MALRD1: variants seen among roughly 807,000 people sequenced by gnomAD.
The protein encoded by MALRD1 is MAM and LDL receptor class A domain containing 1, also known as MAM and LDL-receptor class A domain-containing protein 1.
MALRD1 carries 247 observed loss-of-function variants against 242.1 expected under a neutral mutation model. That is an observed-to-expected ratio of 1.02 (90% CI 0.92 to 1.13). The LOEUF (loss-of-function observed/expected upper bound fraction) is 1.13. Ranked by LOEUF, MALRD1 falls within the 50% of genes most tolerant of loss-of-function variation. The probability of loss-of-function intolerance (pLI) is 0.00; values close to 1 mark genes in which losing one functional copy is unlikely to be tolerated. For missense variants in MALRD1, 2,989 were observed against 2,533.1 expected (o/e 1.18, Z -3.86); for synonymous variants, 995 against 866.6 (o/e 1.15, Z -2.60).
intron 35 of MALRD1, among the ~76,000 whole-genome samples, chr10:19,614,380 T>G: frequency 6.6e-6 from 1 of 151,952 alleles, no homozygotes; most frequent in East Asian, 1.9e-4. Context: ...ATAAATTTGT[T>G]CGATTAAAAT....
chr10:19,065,242 G>A lies in MALRD1; in HGVS notation c.200-1477G>A, dbSNP rs1187803130. Among the ~76,000 whole-genome samples the A allele has an allele frequency of 1.2e-4, 16 of 131,234 alleles. No homozygotes were observed. In the East Asian group the frequency reaches 3.4e-3, roughly 28 times the overall value. The allele number at this position is 131,234 out of a possible 152,430, so 86.1% of individuals were successfully genotyped here. On this transcript the variant is annotated intron_variant, in intron 1 of 39. Transcript: ENST00000454679. Reference sequence around the variant, plus strand: ...GCAGAGGTTGTGGTGAGCCAAGATCGTGCCATTGGACTCCAGCCTGGGCAA... The same window carrying A: ...GCAGAGGTTGTGGTGAGCCAAGATCATGCCATTGGACTCCAGCCTGGGCAA...
At chr10:19,198,516 G>A (rs1391966494) in intron 14 of MALRD1, among the ~76,000 whole-genome samples, 1 of 152,166 alleles carries the variant, frequency 6.6e-6, no homozygotes, top group Non-Finnish European at 1.5e-5. Context: ...CTTGCCTTCT[G>A]TTGTAGAGGG....
At chr10:19,471,934 C>T (rs1836520455) in intron 29 of MALRD1, among the ~76,000 whole-genome samples, 1 of 151,816 alleles carries the variant, frequency 6.6e-6, no homozygotes, top group Non-Finnish European at 1.5e-5. Context: ...TATCTATTTT[C>T]CCTGGCAAGG....
rs140189147 is a variant in MALRD1, at chr10:19,069,671, A to G, written c.340+2812A>G. On this transcript the variant is annotated intron_variant, in intron 2 of 39. Transcript: ENST00000454679. ...TTTCCTACTGGATATATATTTTTTC[A>G]TGGTCTTTTTTTTTCTTTTAGTGCT... Among the ~76,000 whole-genome samples, 712 of 149,314 alleles carry G rather than the reference A, an allele frequency of 4.8e-3. 5 individuals are homozygous for G. The highest frequency in any genetic ancestry group is 7.9e-3 in the Admixed American group (119 of 15,006).
chr10:19,624,352 G>C (rs989889213), intron 36 of MALRD1, among the ~76,000 whole-genome samples: 1 of 152,094 alleles, frequency 6.6e-6, no homozygotes, highest in African/African-American at 2.4e-5. Context: ...CTTGGGCCAG[G>C]TATAGAAAAG....
intron 1 of MALRD1, among the ~76,000 whole-genome samples, chr10:19,050,927 T>C (rs1834474376): frequency 6.6e-6 from 1 of 152,220 alleles, no homozygotes; most frequent in Admixed American, 6.5e-5. Flanking sequence ...AGGAAAGGTC[T>C]TGGCTGCATG....
At chr10:19,273,264 C>G (rs1319194533) in intron 19 of MALRD1, among the ~76,000 whole-genome samples, 2 of 152,100 alleles carry the variant, frequency 1.3e-5, no homozygotes, top group Non-Finnish European at 2.9e-5. Flanking sequence ...GGATGTGGAG[C>G]AACAGGAATT....
At chr10:19,654,290 G>C (rs958469738) in intron 36 of MALRD1, among the ~76,000 whole-genome samples, 1 of 147,462 alleles carries the variant, frequency 6.8e-6, no homozygotes, top group South Asian at 2.1e-4. Context: ...TCAAAAAAGT[G>C]GGGTTTTTTT....
intron 18 of MALRD1, among the ~76,000 whole-genome samples, chr10:19,235,203 G>A (rs1838258151): frequency 1.3e-5 from 2 of 152,092 alleles, no homozygotes; most frequent in Non-Finnish European, 2.9e-5. Flanking sequence ...TTGGCTGTAA[G>A]GGGGACACGT....
intron 10 of MALRD1, among the ~76,000 whole-genome samples, chr10:19,141,460 A>G (rs1029893069): frequency 2.0e-5 from 3 of 152,148 alleles, no homozygotes; most frequent in Non-Finnish European, 2.9e-5. Context: ...GGATGGTGGT[A>G]ATGGTTGTAC....
chr10:19,543,527 G>C (rs34474089), intron 32 of MALRD1, among the ~76,000 whole-genome samples: 1 of 143,784 alleles, frequency 7.0e-6, no homozygotes, highest in African/African-American at 2.5e-5. Flanking sequence ...TCCTGCCTCA[G>C]AATCCCAAAG....
intron 1 of MALRD1, among the ~76,000 whole-genome samples, chr10:19,055,110 A>G (rs1267968703): frequency 6.6e-6 from 1 of 152,148 alleles, no homozygotes; most frequent in African/African-American, 2.4e-5. Flanking sequence ...ATATGAGATT[A>G]TATCTCATTG....
At chr10:19,385,555 C>T (rs1189834195) in intron 26 of MALRD1, among the ~76,000 whole-genome samples, 1 of 151,912 alleles carries the variant, frequency 6.6e-6, no homozygotes, top group Non-Finnish European at 1.5e-5. Context: ...TCTCAATGAT[C>T]CTTTATGTGT....
chr10:19,640,177 C>T (rs961719426), intron 36 of MALRD1, among the ~76,000 whole-genome samples: 1 of 152,128 alleles, frequency 6.6e-6, no homozygotes, highest in Admixed American at 6.5e-5. Context: ...GCAACCTCCA[C>T]CTCCCAGGTT....
At chr10:19,194,214 A>G (rs946684081) in intron 14 of MALRD1, among the ~76,000 whole-genome samples, 1 of 152,186 alleles carries the variant, frequency 6.6e-6, no homozygotes, top group Non-Finnish European at 1.5e-5. Context: ...TGATGTGCCT[A>G]AGTTATATTT....
At chr10:19,706,627 C>G in intron 38 of MALRD1, among the ~76,000 whole-genome samples, 1 of 152,114 alleles carries the variant, frequency 6.6e-6, no homozygotes, top group East Asian at 1.9e-4. Context: ...GCTAGGATTA[C>G]AGGTATGAGC....
At chr10:19,130,154 G>T (rs190667487) in intron 8 of MALRD1, among the ~76,000 whole-genome samples, 2 of 151,960 alleles carry the variant, frequency 1.3e-5, no homozygotes, top group African/African-American at 2.4e-5. Context: ...GGTAACGTGT[G>T]GGGGGAGGAA....
chr10:19,266,354 G>A (rs1275233860), intron 19 of MALRD1, among the ~76,000 whole-genome samples: 3 of 151,556 alleles, frequency 2.0e-5, no homozygotes, highest in Non-Finnish European at 4.4e-5. Flanking sequence ...TGCTTTGATT[G>A]CTTTCTCTTT....
At chr10:19,165,179 T>G (rs1834621080) in intron 12 of MALRD1, among the ~76,000 whole-genome samples, 1 of 146,538 alleles carries the variant, frequency 6.8e-6, no homozygotes, top group South Asian at 2.2e-4. Flanking sequence ...TGCCCATGAC[T>G]GGGTTACACA....
Sources: allele counts gnomAD v4.1 joint callset (sites outside exome capture counted in the v4.1 genomes callset), GRCh38; gene constraint gnomAD v4.1.1; transcripts MANE v1.5; gene names NCBI Gene and HGNC (gene_info 2026-07-23, HGNC 2026-07-21).